Variants in AADAT observed in about 807,000 individuals in gnomAD.
AADAT encodes kynurenine/alpha-aminoadipate aminotransferase, mitochondrial.
In AADAT, 25 loss-of-function variants were observed where a neutral mutation model predicts 56.2. The ratio of observed to expected loss-of-function variants is 0.44; its 90% CI spans 0.32 to 0.62. AADAT has a LOEUF of 0.62. AADAT is among the 20% of genes least tolerant of loss of function. The pLI is 0.04. For missense variants in AADAT, 387 were observed against 510.5 expected, an observed-to-expected ratio of 0.76 and a Z score of 2.33; for synonymous variants, 173 against 164.7, an observed-to-expected ratio of 1.05 and a Z score of -0.39.
chr4:170,087,050 C>T lies in AADAT; in HGVS notation c.369+66G>A, dbSNP rs1414535760. ...AAATATAATTCTCTGTGGTTAAGTG[C>T]GAGAGGACTATAGAAATGAATGCTT... On this transcript the variant is annotated intron_variant, in intron 3 of 12. Transcript: ENST00000337664. The T allele has an allele frequency of 1.1e-5, 18 of 1,577,660 alleles. 1 individual carries two copies. The highest frequency in any genetic ancestry group is 3.3e-4 in the Middle Eastern group (2 of 6,006).
intron 5 of AADAT, 72 bp downstream of exon 5, chr4:170,073,064 T>C: frequency 1.4e-6 from 2 of 1,411,088 alleles, no homozygotes; most frequent in Non-Finnish European, 2.0e-6. Context: ...GAAAGGGAGC[T>C]TGCATAGTGC....
upstream of AADAT, among the ~76,000 whole-genome samples, chr4:170,093,426 G>C (rs7677657): frequency 6.6e-6 from 1 of 152,048 alleles, no homozygotes; most frequent in Non-Finnish European, 1.5e-5. Flanking sequence ...TGAGCTGGGG[G>C]ATAGAGCGAG....
chr4:170,089,186 C>A, intron 1 of AADAT: 1 of 321,006 alleles, frequency 3.1e-6, no homozygotes, highest in Non-Finnish European at 6.0e-6. Context: ...AGCAAAGGGC[C>A]ACAATAGCAG....
chr4:170,080,326 A>G (rs1732234163), intron 3 of AADAT, among the ~76,000 whole-genome samples: 1 of 152,196 alleles, frequency 6.6e-6, no homozygotes, highest in African/African-American at 2.4e-5. Context: ...GGCACCAAGC[A>G]CGTGGAAAAA....
intron 5 of AADAT, among the ~76,000 whole-genome samples, chr4:170,072,211 CTGTG>C (rs1471431485): frequency 6.6e-6 from 1 of 151,082 alleles, no homozygotes; most frequent in Non-Finnish European, 1.5e-5. Context: ...AAGAACATGA[CTGTG>C]TGTGTGTATG....
intron 5 of AADAT, among the ~76,000 whole-genome samples, chr4:170,072,734 GA>G (rs1731835923): frequency 6.6e-6 from 1 of 152,180 alleles, no homozygotes; most frequent in African/African-American, 2.4e-5. Flanking sequence ...TAGATTTTAT[GA>G]AAGGGGAGCA....
intron 12 of AADAT, 148 bp from the exon 13 acceptor site, chr4:170,061,117 T>G: frequency 2.3e-6 from 1 of 444,010 alleles, no homozygotes; most frequent in Non-Finnish European, 3.8e-6. Context: ...ACTTTATCTG[T>G]GCAGGATGCC....
upstream of AADAT, among the ~76,000 whole-genome samples, chr4:170,091,256 C>T (rs1258008039): frequency 2.0e-5 from 3 of 152,144 alleles, no homozygotes; most frequent in South Asian, 2.1e-4. Flanking sequence ...GGAACCAGGG[C>T]TGTGCGGGCG....
At chr4:170,068,972 T>A (rs1452892950) in intron 7 of AADAT, among the ~76,000 whole-genome samples, 176 bp downstream of exon 7, 1 of 152,210 alleles carries the variant, frequency 6.6e-6, no homozygotes, top group Non-Finnish European at 1.5e-5. Context: ...CTTTGACTAT[T>A]GCAGGTGAAT....
At position 170,088,678 on chromosome 4, in the gene AADAT, A is replaced by G. The variant is rs541525197; in HGVS notation, c.68-114T>C. 4.9e-5 allele frequency: 54 copies of G among 1,098,938 alleles called. No individual in the cohort carries two copies. In the African/African-American group the frequency reaches 8.0e-4, roughly 16 times the overall value. 68.1% of individuals were successfully genotyped at this position (1,098,938 alleles called of 1,614,324 possible). ...AAAGTTTAACGATTTCTAGTGATAG[A>G]GTGTGCTATGGTCTAAATGTTGGTG... On this transcript the variant is annotated intron_variant, in intron 1 of 12. Coordinates refer to ENST00000337664, the MANE Select transcript of AADAT (RefSeq NM_016228.4).
At position 170,078,486 on chromosome 4, in the gene AADAT, CTTT is replaced by C. The variant is rs1298287796; in HGVS notation, c.444+20_444+22del. 23 of 1,498,154 alleles carry C rather than the reference CTTT, an allele frequency of 1.5e-5. No individual in the cohort carries two copies. Among genetic ancestry groups the C allele is most frequent in the Non-Finnish European group, 2.1e-5 (23 of 1,085,734 alleles). 92.8% of individuals were successfully genotyped at this position (1,498,154 alleles called of 1,614,324 possible). On this transcript the variant is annotated intron_variant, in intron 4 of 12. Transcript: ENST00000337664. Reference sequence around the variant, plus strand: ...TTCTTATTTACTACAAGAGAGTTGCCTTTAGTAAAAATGTATACTCACACTTTG... The same window carrying C: ...TTCTTATTTACTACAAGAGAGTTGCCAGTAAAAATGTATACTCACACTTTG...
At chr4:170,069,554 C>T (rs1731659350) in intron 6 of AADAT, among the ~76,000 whole-genome samples, 1 of 152,118 alleles carries the variant, frequency 6.6e-6, no homozygotes, top group South Asian at 2.1e-4. Context: ...AACAGACTTA[C>T]AGGAGGGACT....
chr4:170,085,194 T>TG (rs1223368992), intron 3 of AADAT, among the ~76,000 whole-genome samples: 3 of 152,232 alleles, frequency 2.0e-5, no homozygotes, highest in Non-Finnish European at 2.9e-5. Context: ...GTAAGGCTTC[T>TG]GGTCAAGAGT....
At chr4:170,093,890 A>C (rs6814128), upstream of AADAT, among the ~76,000 whole-genome samples, 1 of 152,202 alleles carries the variant, frequency 6.6e-6, no homozygotes, top group Non-Finnish European at 1.5e-5. Flanking sequence ...GAGCCAGCGC[A>C]CCTGGCCTCA....
chr4:170,086,928 C>T (rs1166208947), intron 3 of AADAT, among the ~76,000 whole-genome samples, 188 bp downstream of exon 3: 1 of 152,118 alleles, frequency 6.6e-6, no homozygotes, highest in Non-Finnish European at 1.5e-5. Flanking sequence ...TTGCCCATCC[C>T]CGGCCACAAC....
chr4:170,086,516 C>T (rs572230930), intron 3 of AADAT, among the ~76,000 whole-genome samples: 1 of 152,072 alleles, frequency 6.6e-6, no homozygotes, highest in South Asian at 2.1e-4. Flanking sequence ...ATTCTACAGA[C>T]AGATATGTAA....
At chr4:170,089,468 G>C (rs969247005) in intron 1 of AADAT, 156 bp downstream of exon 1, 1 of 793,364 alleles carries the variant, frequency 1.3e-6, no homozygotes. Flanking sequence ...CAAAGGCTGT[G>C]TCTATTTCAT....
chr4:170,063,254 C>T (rs563850490), intron 11 of AADAT, among the ~76,000 whole-genome samples: 32 of 152,176 alleles, frequency 2.1e-4, no homozygotes, highest in African/African-American at 7.2e-4. Flanking sequence ...AATCTCTTCA[C>T]AAGATAACCA....
upstream of AADAT, among the ~76,000 whole-genome samples, chr4:170,093,792 C>T (rs1732936030): frequency 6.6e-6 from 1 of 152,194 alleles, no homozygotes; most frequent in Non-Finnish European, 1.5e-5. Context: ...GAGACAGGGT[C>T]TCCCTATGTT....
Sources: allele counts gnomAD v4.1 joint callset (sites outside exome capture counted in the v4.1 genomes callset), GRCh38; gene constraint gnomAD v4.1.1; transcripts MANE v1.5; gene names NCBI Gene and HGNC (gene_info 2026-07-23, HGNC 2026-07-21).